RIMS3: variants seen among roughly 807,000 people sequenced by gnomAD.
The protein encoded by RIMS3 is regulating synaptic membrane exocytosis protein 3.
Under a neutral mutation model 29.2 loss-of-function variants are expected in RIMS3, and 15 were observed. The ratio of observed to expected loss-of-function variants is 0.51; its 90% CI spans 0.34 to 0.79. The LOEUF (loss-of-function observed/expected upper bound fraction) is 0.79. RIMS3 is among the 30% of genes least tolerant of loss of function. The pLI is 0.01. For synonymous variants in RIMS3, 161 were observed against 170.1 expected (o/e 0.95, Z 0.41); for missense variants, 342 against 421.4 (o/e 0.81, Z 1.65).
Position 40,658,392 on chromosome 1 carries a change from G to C in RIMS3, c.-207+7002C>G, listed in dbSNP as rs545245288. On this transcript the variant is annotated intron_variant, in intron 1 of 7. Coordinates refer to ENST00000372684, the MANE Select transcript of RIMS3 (RefSeq NM_014747.3). ...GCCTTTTTTCTCCAGCTGCTGTCCAGATGGAAGTTTGGGGCTCAGGCCCAA... is the reference window on the plus strand; with the variant it reads ...GCCTTTTTTCTCCAGCTGCTGTCCACATGGAAGTTTGGGGCTCAGGCCCAA... 2.8e-3 allele frequency among the ~76,000 whole-genome samples: 424 copies of C among 152,332 alleles called. 1 individual carries two copies. The highest frequency in any genetic ancestry group is 4.2e-3 in the Non-Finnish European group (289 of 68,040).
chr1:40,637,496 A>ATACACACACACG (rs1646527977), intron 3 of RIMS3, among the ~76,000 whole-genome samples: 1 of 152,034 alleles, frequency 6.6e-6, no homozygotes, highest in African/African-American at 2.4e-5. Flanking sequence ...TGTCTCTCTC[A>ATACACACACACG]TACACACACA....
chr1:40,682,741 C>CTTTTTTTTTTTTTTTTTTTT, the RIMS3 span, among the ~76,000 whole-genome samples: 374 of 77,468 alleles, frequency 4.8e-3, 72 homozygotes, highest in African/African-American at 9.3e-3. Flanking sequence ...CTTTGCAGAT[C>CTTTTTTTTTTTTTTTTTTTT]TTTTTTTTTT....
chr1:40,647,613 A>G (rs1453261235), intron 2 of RIMS3, 55 bp downstream of exon 2: 2 of 152,180 alleles, frequency 1.3e-5, no homozygotes, highest in African/African-American at 2.4e-5. Context: ...CAGGTCTCAC[A>G]TCACCTATTG....
intron 1 of RIMS3, among the ~76,000 whole-genome samples, chr1:40,659,614 G>C (rs1037236839): frequency 6.6e-5 from 10 of 152,210 alleles, no homozygotes; most frequent in Admixed American, 2.6e-4. Context: ...GCATGAAATA[G>C]ACATGAGGGA....
At chr1:40,685,359 AATATAAT>A in the RIMS3 span, among the ~76,000 whole-genome samples, 1 of 44,078 alleles carries the variant, frequency 2.3e-5, no homozygotes, top group East Asian at 3.4e-4. Flanking sequence ...TATATTATAT[AATATAAT>A]ATATATTAAT....
chr1:40,684,168 T>C, the RIMS3 span, among the ~76,000 whole-genome samples: 3 of 152,226 alleles, frequency 2.0e-5, no homozygotes, highest in African/African-American at 7.2e-5. Context: ...CCATGTTTTA[T>C]ATGACATGGA....
the RIMS3 span, among the ~76,000 whole-genome samples, chr1:40,671,227 G>A: frequency 1.6e-4 from 24 of 152,190 alleles, no homozygotes; most frequent in Non-Finnish European, 2.9e-4. Flanking sequence ...AGGGAAGCCT[G>A]AATGATGCCT....
chr1:40,675,575 T>C, the RIMS3 span, among the ~76,000 whole-genome samples: 4 of 151,896 alleles, frequency 2.6e-5, no homozygotes, highest in Non-Finnish European at 5.9e-5. Flanking sequence ...CTGGCAAACA[T>C]GGTGAAACCC....
chr1:40,669,160 A>G (rs1642462149), upstream of RIMS3: 1 of 152,242 alleles, frequency 6.6e-6, no homozygotes, highest in Non-Finnish European at 1.5e-5. Context: ...ATAACAGCTA[A>G]TTTTTTGAGG....
chr1:40,677,515 G>A, the RIMS3 span, among the ~76,000 whole-genome samples: 24 of 151,280 alleles, frequency 1.6e-4, 4 homozygotes, highest in African/African-American at 5.6e-4. Context: ...TGGCTAACAC[G>A]GTGAAACCCC....
At chr1:40,659,054 G>A (rs565941967) in intron 1 of RIMS3, among the ~76,000 whole-genome samples, 1 of 152,352 alleles carries the variant, frequency 6.6e-6, no homozygotes, top group African/African-American at 2.4e-5. Context: ...AGATGTGGCA[G>A]AGGGAGGGTG....
the RIMS3 span, among the ~76,000 whole-genome samples, chr1:40,684,455 T>G: frequency 1.3e-5 from 2 of 152,244 alleles, no homozygotes; most frequent in South Asian, 2.1e-4. Flanking sequence ...TAGCTTAGTT[T>G]GGGTGATGTG....
the RIMS3 span, among the ~76,000 whole-genome samples, chr1:40,674,441 G>A: frequency 2.6e-5 from 4 of 152,248 alleles, no homozygotes; most frequent in East Asian, 5.8e-4. Context: ...GGCCAGCACC[G>A]GAGTCAAGGG....
chr1:40,655,842 G>A (rs1268844947), intron 1 of RIMS3, among the ~76,000 whole-genome samples: 1 of 152,158 alleles, frequency 6.6e-6, no homozygotes, highest in Non-Finnish European at 1.5e-5. Flanking sequence ...CCGTCTGGAT[G>A]GTCAAACTAA....
intron 4 of RIMS3, 87 bp from the exon 5 acceptor site, chr1:40,633,268 T>C: frequency 1.0e-6 from 1 of 995,698 alleles, no homozygotes; most frequent in Non-Finnish European, 1.6e-6. Flanking sequence ...GCTCTGGCCC[T>C]GGGGCCCTGG....
intron 3 of RIMS3, among the ~76,000 whole-genome samples, chr1:40,640,872 G>A (rs906153072): frequency 6.6e-6 from 1 of 152,234 alleles, no homozygotes; most frequent in African/African-American, 2.4e-5. Context: ...ATCTGGGTCT[G>A]TGCATGTGTA....
intron 2 of RIMS3, among the ~76,000 whole-genome samples, chr1:40,643,872 G>A (rs1646577522): frequency 6.6e-6 from 1 of 152,142 alleles, no homozygotes; most frequent in African/African-American, 2.4e-5. Context: ...AATACTGCTA[G>A]GAGCTTCCCT....
chr1:40,661,779 T>C (rs1265042128), intron 1 of RIMS3, among the ~76,000 whole-genome samples: 2 of 152,222 alleles, frequency 1.3e-5, no homozygotes, highest in Non-Finnish European at 2.9e-5. Context: ...ATTACCCAGC[T>C]CAGGAACTGC....
At chr1:40,683,985 T>C in the RIMS3 span, among the ~76,000 whole-genome samples, 29 of 152,328 alleles carry the variant, frequency 1.9e-4, no homozygotes, top group Admixed American at 1.6e-3. Flanking sequence ...GATACAACCA[T>C]GTTTATGCAT....
Sources: gnomAD v4.1 joint callset for allele counts (sites outside exome capture counted in the v4.1 genomes callset) on GRCh38, gnomAD v4.1.1 for gene constraint, MANE v1.5 for transcripts, NCBI Gene and HGNC (gene_info 2026-07-23, HGNC 2026-07-21) for gene names.